Variants in TBC1D4 observed in about 807,000 individuals in gnomAD.
TBC1D4 encodes the protein TBC1 domain family member 4.
In TBC1D4, 121 loss-of-function variants were observed where a neutral mutation model predicts 142.5. The observed-to-expected ratio is 0.85, with a 90% CI of 0.73 to 0.99. The LOEUF is 0.99. Among genes scored for constraint, TBC1D4 ranks in the 50% least tolerant of loss-of-function variants. TBC1D4 has a pLI of 0.00. For missense variants in TBC1D4, 1,475 were observed against 1,606.6 expected (o/e 0.92, Z 1.40); for synonymous variants, 630 against 628.2 (o/e 1.00, Z -0.04).
chr13:75,357,372 C>T (rs980784943), intron 3 of TBC1D4, among the ~76,000 whole-genome samples: 8 of 152,156 alleles, frequency 5.3e-5, no homozygotes, highest in African/African-American at 1.7e-4. Context: ...TAAATTTGCA[C>T]GGTGACTACC....
At chr13:75,289,275 T>C (rs1875021369) in intron 19 of TBC1D4, among the ~76,000 whole-genome samples, 165 bp from the exon 20 acceptor site, 1 of 152,128 alleles carries the variant, frequency 6.6e-6, no homozygotes, top group Non-Finnish European at 1.5e-5. Context: ...AAGAATAAAT[T>C]AGATATAGTT....
At chr13:75,405,081 C>A (rs1885269245) in intron 1 of TBC1D4, among the ~76,000 whole-genome samples, 1 of 152,100 alleles carries the variant, frequency 6.6e-6, no homozygotes, top group South Asian at 2.1e-4. Context: ...GTATGTAATA[C>A]CCTTACTGAC....
chr13:75,322,781 T>C (rs1407669128), intron 11 of TBC1D4, among the ~76,000 whole-genome samples: 1 of 152,232 alleles, frequency 6.6e-6, no homozygotes, highest in Non-Finnish European at 1.5e-5. Flanking sequence ...GGCAAACTGA[T>C]ATCTTTATGT....
chr13:75,322,154 C>T (rs1290235520), intron 11 of TBC1D4, among the ~76,000 whole-genome samples: 1 of 152,102 alleles, frequency 6.6e-6, no homozygotes, highest in African/African-American at 2.4e-5. Context: ...GTGTCCTTTC[C>T]TGGGAAAACA....
chr13:75,391,661 A>G (rs1269553707), intron 1 of TBC1D4, among the ~76,000 whole-genome samples: 1 of 152,092 alleles, frequency 6.6e-6, no homozygotes, highest in Non-Finnish European at 1.5e-5. Context: ...CCAGGGCTCT[A>G]TGATTGGCCC....
At chr13:75,368,774 C>T (rs1453167878) in intron 1 of TBC1D4, among the ~76,000 whole-genome samples, 1 of 152,134 alleles carries the variant, frequency 6.6e-6, no homozygotes, top group Non-Finnish European at 1.5e-5. Context: ...CGTAGTGGGT[C>T]ACACCTGTAA....
chr13:75,386,780 A>T (rs1194236054), intron 1 of TBC1D4, among the ~76,000 whole-genome samples: 1 of 152,196 alleles, frequency 6.6e-6, no homozygotes, highest in Non-Finnish European at 1.5e-5. Flanking sequence ...TTTAGTGAAC[A>T]TCTTTCCGCC....
At chr13:75,460,958 A>C (rs1024324974) in intron 1 of TBC1D4, among the ~76,000 whole-genome samples, 1 of 152,168 alleles carries the variant, frequency 6.6e-6, no homozygotes, top group Non-Finnish European at 1.5e-5. Flanking sequence ...ATAAGGAATG[A>C]AGTAAATGGT....
At chr13:75,369,523 A>ACACACACACACG (rs1883110809) in intron 1 of TBC1D4, among the ~76,000 whole-genome samples, 2 of 141,700 alleles carry the variant, frequency 1.4e-5, no homozygotes, top group African/African-American at 5.6e-5. Flanking sequence ...ACACACACAC[A>ACACACACACACG]CAATCAAAAT....
intron 1 of TBC1D4, among the ~76,000 whole-genome samples, chr13:75,431,464 A>G (rs748093929): frequency 6.6e-6 from 1 of 152,168 alleles, no homozygotes; most frequent in African/African-American, 2.4e-5. Flanking sequence ...TTATTTTCAC[A>G]TCTATAAAAT....
At chr13:75,477,797 T>A (rs1888679910) in intron 1 of TBC1D4, among the ~76,000 whole-genome samples, 1 of 152,246 alleles carries the variant, frequency 6.6e-6, no homozygotes, top group South Asian at 2.1e-4. Flanking sequence ...GTAATTCACT[T>A]CATGCCAATG....
chr13:75,415,759 T>G (rs979673225), intron 1 of TBC1D4, among the ~76,000 whole-genome samples: 1 of 152,248 alleles, frequency 6.6e-6, no homozygotes, highest in Non-Finnish European at 1.5e-5. Context: ...GAAAGAGTTT[T>G]GCTTGATCAT....
intron 8 of TBC1D4, 58 bp downstream of exon 8, chr13:75,336,863 G>A: frequency 6.2e-7 from 1 of 1,606,696 alleles, no homozygotes; most frequent in East Asian, 2.2e-5. Flanking sequence ...TGAGACTGAA[G>A]CTAAACTGTT....
At chr13:75,337,109 GC>G in intron 7 of TBC1D4, 69 bp from the exon 8 acceptor site, 1 of 1,432,924 alleles carries the variant, frequency 7.0e-7, no homozygotes, top group South Asian at 1.2e-5. Flanking sequence ...TTAATTATAG[GC>G]TTAAGACTAA....
intron 15 of TBC1D4, among the ~76,000 whole-genome samples, chr13:75,303,679 T>C (rs1876834498): frequency 6.6e-6 from 1 of 152,178 alleles, no homozygotes; most frequent in Admixed American, 6.5e-5. Context: ...TTGCCAGAGT[T>C]TGTACAAGCT....
At chr13:75,427,343 T>C (rs1886419620) in intron 1 of TBC1D4, among the ~76,000 whole-genome samples, 1 of 152,160 alleles carries the variant, frequency 6.6e-6, no homozygotes, top group Non-Finnish European at 1.5e-5. Context: ...AAATATAAAC[T>C]TTTAAGTATC....
At chr13:75,416,731 G>C (rs1885934867) in intron 1 of TBC1D4, among the ~76,000 whole-genome samples, 1 of 152,166 alleles carries the variant, frequency 6.6e-6, no homozygotes, top group Non-Finnish European at 1.5e-5. Context: ...CCCTAAAATA[G>C]TCTTCATTCG....
chr13:75,353,416 A>G (rs1881780098), intron 4 of TBC1D4, among the ~76,000 whole-genome samples: 1 of 152,214 alleles, frequency 6.6e-6, no homozygotes, highest in Non-Finnish European at 1.5e-5. Context: ...CTCAAAATAC[A>G]AAAGTACCAA....
At chr13:75,431,261 T>G (rs190219470) in intron 1 of TBC1D4, among the ~76,000 whole-genome samples, 96 of 152,336 alleles carry the variant, frequency 6.3e-4, no homozygotes, top group Non-Finnish European at 1.0e-3. Context: ...TTCCATGCAA[T>G]TTTCATTCTG....
Sources: gnomAD v4.1 joint callset for allele counts (sites outside exome capture counted in the v4.1 genomes callset) on GRCh38, gnomAD v4.1.1 for gene constraint, MANE v1.5 for transcripts, NCBI Gene and HGNC (gene_info 2026-07-23, HGNC 2026-07-21) for gene names.